Variants in TRIM37 observed in about 807,000 individuals in gnomAD.
The protein encoded by TRIM37 is E3 ubiquitin-protein ligase TRIM37.
TRIM37 carries 80 observed loss-of-function variants against 129.8 expected under a neutral mutation model. The ratio of observed to expected loss-of-function variants is 0.62; its 90% CI spans 0.51 to 0.74. The LOEUF (loss-of-function observed/expected upper bound fraction) is 0.74, where lower values mean the gene tolerates loss of function less well. Ranked by LOEUF, TRIM37 falls within the 30% of genes least tolerant of loss-of-function variation. The pLI is 0.00. For synonymous variants in TRIM37, 389 were observed against 387.1 expected (o/e 1.00, Z -0.06); for missense variants, 1,054 against 1,176.5 (o/e 0.90, Z 1.52).
intron 22 of TRIM37, among the ~76,000 whole-genome samples, chr17:59,002,934 T>C (rs1211620626): frequency 2.6e-5 from 4 of 152,226 alleles, no homozygotes; most frequent in African/African-American, 7.2e-5. Context: ...TTACCCAGGC[T>C]GGAGTACAGT....
intron 15 of TRIM37, among the ~76,000 whole-genome samples, chr17:59,048,873 A>G (rs1159854023): frequency 6.6e-6 from 1 of 152,246 alleles, no homozygotes; most frequent in African/African-American, 2.4e-5. Flanking sequence ...CTGGGATTAC[A>G]GGTGTGAGCC....
chr17:59,090,558 T>G (rs2044201048), intron 3 of TRIM37, among the ~76,000 whole-genome samples: 2 of 152,104 alleles, frequency 1.3e-5, no homozygotes, highest in South Asian at 4.1e-4. Context: ...GCTTTTTATT[T>G]TATTTTATAT....
chr17:59,088,055 G>A (rs756018739), intron 4 of TRIM37: 5 of 594,696 alleles, frequency 8.4e-6, no homozygotes, highest in Non-Finnish European at 1.5e-5. Flanking sequence ...CTTTCTGTGT[G>A]GGGGGAGGGG....
At chr17:59,103,672 G>A (rs1267653487) in intron 2 of TRIM37, among the ~76,000 whole-genome samples, 8 of 138,108 alleles carry the variant, frequency 5.8e-5, no homozygotes, top group Admixed American at 7.5e-5. Flanking sequence ...TTTTTGAGAC[G>A]GAGTCTCACT....
At chr17:59,039,807 G>A (rs1179710199) in intron 17 of TRIM37, among the ~76,000 whole-genome samples, 1 of 152,200 alleles carries the variant, frequency 6.6e-6, no homozygotes, top group African/African-American at 2.4e-5. Context: ...TATGTGCCAT[G>A]TTAACAAGTT....
chr17:59,004,387 C>T (rs1567945758), intron 22 of TRIM37, among the ~76,000 whole-genome samples: 1 of 151,814 alleles, frequency 6.6e-6, no homozygotes, highest in African/African-American at 2.4e-5. Context: ...ATAATCTAAA[C>T]TACTACTTTA....
chr17:58,993,071 T>C (rs2032609128), intron 24 of TRIM37, among the ~76,000 whole-genome samples: 1 of 152,132 alleles, frequency 6.6e-6, no homozygotes, highest in African/African-American at 2.4e-5. Context: ...GGGCAAGACT[T>C]TCCTGTGCTG....
downstream of TRIM37, among the ~76,000 whole-genome samples, chr17:58,994,210 G>GAC (rs144596969): frequency 1.4e-3 from 214 of 152,024 alleles, no homozygotes; most frequent in African/African-American, 5.0e-3. Context: ...CAGTCATAGT[G>GAC]ACACACACAC....
intron 17 of TRIM37, among the ~76,000 whole-genome samples, chr17:59,035,031 G>C (rs1298464131): frequency 2.0e-5 from 3 of 152,016 alleles, no homozygotes; most frequent in Non-Finnish European, 4.4e-5. Flanking sequence ...GCTGTATATA[G>C]AAGTATCTTA....
At chr17:59,015,259 G>A (rs1049544718) in intron 21 of TRIM37, among the ~76,000 whole-genome samples, 1 of 151,956 alleles carries the variant, frequency 6.6e-6, no homozygotes, top group African/African-American at 2.4e-5. Flanking sequence ...GGCCAACATG[G>A]CAAAACCTCG....
chr17:59,081,964 A>ATAATAAT (rs1555688977), intron 5 of TRIM37, among the ~76,000 whole-genome samples: 34 of 87,194 alleles, frequency 3.9e-4, no homozygotes, highest in African/African-American at 8.1e-4. Flanking sequence ...AAAAAAAAAA[A>ATAATAAT]AATAATAATA....
chr17:59,064,431 T>C (rs1366429255), intron 9 of TRIM37, 26 bp from the exon 10 acceptor site: 1 of 1,542,006 alleles, frequency 6.5e-7, no homozygotes, highest in African/African-American at 1.4e-5. Flanking sequence ...CAAAAAAAAT[T>C]ATTTAGCTTA....
chr17:59,073,095 G>A (rs984948329), intron 8 of TRIM37: 1 of 152,236 alleles, frequency 6.6e-6, no homozygotes, highest in Non-Finnish European at 1.5e-5. Flanking sequence ...AATGCTTACT[G>A]TGTATATCCT....
intron 12 of TRIM37, among the ~76,000 whole-genome samples, chr17:59,059,667 T>C (rs1050495556): frequency 1.3e-5 from 2 of 152,182 alleles, no homozygotes; most frequent in African/African-American, 2.4e-5. Flanking sequence ...ACTGTAAATT[T>C]TACTCTGTTG....
chr17:59,076,375 T>C (rs968708335), intron 7 of TRIM37, among the ~76,000 whole-genome samples: 5 of 152,170 alleles, frequency 3.3e-5, no homozygotes, highest in African/African-American at 9.7e-5. Context: ...ACCCAGTCTC[T>C]ACAAAAAAGT....
rs1050020664 is a variant in TRIM37, at chr17:59,101,920, C to G, written c.123+2373G>C. ...CGCCACTGCACTTTAGCCTGGGCAA[C>G]AGAGCAAGAATCCATCTCAAAAAAA... On this transcript the variant is annotated intron_variant, in intron 2 of 23. Transcript: ENST00000262294. Among the ~76,000 whole-genome samples, 7 of 149,482 alleles carry G rather than the reference C, an allele frequency of 4.7e-5. No individual in the cohort carries two copies. In the Admixed American group the frequency reaches 4.7e-4, roughly 10 times the overall value.
rs140978609 is a variant in TRIM37, at chr17:59,032,694, G to A, written c.1754-604C>T. On this transcript the variant is annotated intron_variant, in intron 17 of 23. Transcript: ENST00000262294. ...GACAATGTGTACGATGTGCACAATT[G>A]GGGGGATGAGAGGTAAGGGTAAGGA... Among the ~76,000 whole-genome samples, 185 of 152,186 alleles carry A rather than the reference G, an allele frequency of 1.2e-3. 2 individuals are homozygous for A. The East Asian group carries it at 0.034, about 28-fold the overall frequency.
chr17:59,017,259 C>T (rs1161159185), intron 20 of TRIM37, 37 bp downstream of exon 20: 1 of 1,610,228 alleles, frequency 6.2e-7, no homozygotes, highest in Admixed American at 1.7e-5. Context: ...TAAATATTTA[C>T]CCCACTAAAA....
the TRIM37 span, chr17:58,973,036 A>G: frequency 3.0e-6 from 2 of 667,838 alleles, no homozygotes; most frequent in Admixed American, 6.0e-5. Context: ...CAGAATGCTT[A>G]TTATTCTTTA....
Sources: gnomAD v4.1 joint callset for allele counts (sites outside exome capture counted in the v4.1 genomes callset) on GRCh38, gnomAD v4.1.1 for gene constraint, MANE v1.5 for transcripts, NCBI Gene and HGNC (gene_info 2026-07-23, HGNC 2026-07-21) for gene names.